Variants in CSMD2 observed in about 807,000 individuals in gnomAD.
CSMD2 encodes the protein CUB and Sushi multiple domains 2.
A neutral mutation model predicts 398.5 loss-of-function variants in CSMD2; 130 were observed. The observed-to-expected ratio is 0.33, with a 90% CI of 0.28 to 0.38. The LOEUF (loss-of-function observed/expected upper bound fraction) is 0.38. CSMD2 is among the 10% of genes least tolerant of loss of function. The pLI is 1.00. For synonymous variants in CSMD2, 1,828 were observed against 1,908.5 expected (o/e 0.96, Z 1.10); for missense variants, 3,829 against 4,764.9 (o/e 0.80, Z 5.78).
chr1:33,855,152 C>T (rs570132809), intron 5 of CSMD2, among the ~76,000 whole-genome samples: 5 of 152,288 alleles, frequency 3.3e-5, no homozygotes, highest in East Asian at 1.9e-4. Flanking sequence ...TTGCCCACTC[C>T]GTCCTTTACT....
chr1:33,663,185 C>T (rs944117398), intron 25 of CSMD2, 93 bp from the exon 26 acceptor site: 4 of 1,059,580 alleles, frequency 3.8e-6, no homozygotes, highest in Non-Finnish European at 5.5e-6. Flanking sequence ...AAGACTGGCC[C>T]TAAACCTACA....
chr1:33,533,951 G>T lies in CSMD2; in HGVS notation c.9880-44C>A. ...TCCCATCAGCCCCTTCCTTTCAGCGGTGCTTCCTACGTCTGTCCCTTGACC... is the reference window on the plus strand; with the variant it reads ...TCCCATCAGCCCCTTCCTTTCAGCGTTGCTTCCTACGTCTGTCCCTTGACC... On this transcript the variant is annotated intron_variant, in intron 62 of 70. Transcript: ENST00000373381. This position sits in a 1 kb window ranked among gnomAD's most constrained non-coding sequence, Gnocchi z 4.2. The T allele has an allele frequency of 7.8e-7, 1 of 1,276,690 alleles. No individual in the cohort carries two copies. 79.1% of individuals were successfully genotyped at this position (1,276,690 alleles called of 1,614,324 possible). A position where few individuals can be genotyped will look rare whatever the true frequency, so the allele number is the denominator to read the frequency against.
chr1:33,993,853 C>T (rs1332281679), intron 3 of CSMD2, among the ~76,000 whole-genome samples: 1 of 152,174 alleles, frequency 6.6e-6, no homozygotes, highest in Non-Finnish European at 1.5e-5. Flanking sequence ...TTGCAGTGGC[C>T]TCCCCTGCCC....
At chr1:34,086,046 A>T (rs1454593262) in intron 2 of CSMD2, among the ~76,000 whole-genome samples, 1 of 152,008 alleles carries the variant, frequency 6.6e-6, no homozygotes, top group Non-Finnish European at 1.5e-5. Context: ...GAAAGAAAGA[A>T]AACCAAGTGT....
chr1:33,764,044 C>T (rs993179833), intron 13 of CSMD2, among the ~76,000 whole-genome samples: 1 of 152,082 alleles, frequency 6.6e-6, no homozygotes, highest in Non-Finnish European at 1.5e-5. Context: ...CGGGATACAC[C>T]CTATTCCCTT....
intron 1 of CSMD2, among the ~76,000 whole-genome samples, chr1:34,148,453 A>C (rs1639985193): frequency 6.6e-6 from 1 of 152,262 alleles, no homozygotes; most frequent in Non-Finnish European, 1.5e-5. Context: ...AGCAGTCTCC[A>C]GCATGTTCAG....
chr1:33,583,374 T>C lies in CSMD2; in HGVS notation c.7240+268A>G, dbSNP rs139692022. Reference sequence around the variant, plus strand: ...TTGGGAATACTGTTTGACCCATTTATCTGCTGACATGAACAGGAATGGCTT... The same window carrying C: ...TTGGGAATACTGTTTGACCCATTTACCTGCTGACATGAACAGGAATGGCTT... On this transcript the variant is annotated intron_variant, in intron 47 of 70. Transcript: ENST00000373381. Among the ~76,000 whole-genome samples the C allele has an allele frequency of 9.2e-5, 14 of 152,356 alleles. No individual in the cohort carries two copies. In the East Asian group the frequency reaches 2.7e-3, roughly 29 times the overall value.
rs746572463 is a variant in CSMD2, at chr1:33,572,709, A to G, written c.7577-18T>C. ...GGAAAGAGCTAGCAAAAGGAAAACA[A>G]TGTCATGAGCATTTGTTTTAAGATG... On this transcript the variant is annotated intron_variant, in intron 49 of 70. Transcript: ENST00000373381. 1 of 1,589,926 alleles carries G rather than the reference A, an allele frequency of 6.3e-7. No homozygotes were observed. Among genetic ancestry groups the G allele is most frequent in the African/African-American group, 1.3e-5 (1 of 74,540 alleles).
intron 1 of CSMD2, among the ~76,000 whole-genome samples, chr1:34,145,475 C>T (rs1183918880): frequency 1.3e-5 from 2 of 152,196 alleles, no homozygotes; most frequent in Admixed American, 6.5e-5. Context: ...AACCTCCTCC[C>T]TGCCCCTTGG....
chr1:33,614,404 C>G, intron 40 of CSMD2, 100 bp downstream of exon 40: 2 of 731,260 alleles, frequency 2.7e-6, no homozygotes, highest in Non-Finnish European at 5.0e-6. Context: ...ACTAAACAGA[C>G]TTGGCCCAAG....
rs367903002 is a variant in CSMD2, at chr1:33,873,072, C to T, written c.921-26076G>A. 7.2e-5 allele frequency among the ~76,000 whole-genome samples: 11 copies of T among 152,278 alleles called. 1 individual carries two copies. In the East Asian group the frequency reaches 2.1e-3, roughly 29 times the overall value. On this transcript the variant is annotated intron_variant, in intron 5 of 70. Coordinates refer to ENST00000373381, the MANE Select transcript of CSMD2 (RefSeq NM_001281956.2). ...ATATGGGGGGCAGATAATTTATCTC[C>T]TTAGCTTTTCAAATCACCAAATCTG...
At chr1:34,036,275 A>T (rs1468007527) in intron 2 of CSMD2, among the ~76,000 whole-genome samples, 2 of 152,340 alleles carry the variant, frequency 1.3e-5, no homozygotes, top group East Asian at 3.9e-4. Context: ...CTACAATAAT[A>T]GGTGAATGAC....
At chr1:33,645,117 A>C (rs1643343030) in intron 29 of CSMD2, among the ~76,000 whole-genome samples, 2 of 152,106 alleles carry the variant, frequency 1.3e-5, no homozygotes, top group African/African-American at 4.8e-5. Context: ...AGATATTCCC[A>C]GGGGTGGCCG....
chr1:33,648,874 G>A (rs145800845), intron 28 of CSMD2, among the ~76,000 whole-genome samples: 2 of 151,992 alleles, frequency 1.3e-5, no homozygotes, highest in Non-Finnish European at 2.9e-5. Flanking sequence ...TCTTTAAAGA[G>A]CACCCATTTT....
rs542420787 is a variant in CSMD2, at chr1:34,070,474, T to C, written c.404+18503A>G. Among the ~76,000 whole-genome samples, 4 of 152,354 alleles carry C rather than the reference T, an allele frequency of 2.6e-5. No individual in the cohort carries two copies. The South Asian group carries it at 8.3e-4, about 32-fold the overall frequency. ...CCACACCTTCTTAGCATAGGGCTTATGAGCCATTCTGAAGCTCAGCTTTCT... is the reference window on the plus strand; with the variant it reads ...CCACACCTTCTTAGCATAGGGCTTACGAGCCATTCTGAAGCTCAGCTTTCT... On this transcript the variant is annotated intron_variant, in intron 2 of 70. Coordinates refer to ENST00000373381, the MANE Select transcript of CSMD2 (RefSeq NM_001281956.2).
At chr1:33,778,996 A>G (rs576293661) in intron 12 of CSMD2, among the ~76,000 whole-genome samples, 105 of 152,176 alleles carry the variant, frequency 6.9e-4, no homozygotes, top group Non-Finnish European at 1.3e-3. Flanking sequence ...CAGCCCTTGC[A>G]ACTCCTCATC....
chr1:33,968,650 A>G (rs1645645197), intron 3 of CSMD2, among the ~76,000 whole-genome samples: 1 of 152,152 alleles, frequency 6.6e-6, no homozygotes, highest in Non-Finnish European at 1.5e-5. Flanking sequence ...CAGACACCTG[A>G]ATGAGCTTGG....
intron 3 of CSMD2, among the ~76,000 whole-genome samples, chr1:33,966,630 G>A (rs1645567256): frequency 6.6e-6 from 1 of 152,224 alleles, no homozygotes; most frequent in African/African-American, 2.4e-5. Flanking sequence ...GTCTAAGGAA[G>A]TAATGGTTTT....
chr1:34,000,147 A>T (rs1361486851), intron 3 of CSMD2, among the ~76,000 whole-genome samples: 2 of 152,150 alleles, frequency 1.3e-5, no homozygotes, highest in Non-Finnish European at 2.9e-5. Context: ...CTACACAGTA[A>T]TCCTCAGACC....
Sources: allele counts gnomAD v4.1 joint callset (sites outside exome capture counted in the v4.1 genomes callset), GRCh38; gene constraint gnomAD v4.1.1; non-coding constraint Gnocchi (gnomAD v3.1); transcripts MANE v1.5; gene names NCBI Gene and HGNC (gene_info 2026-07-23, HGNC 2026-07-21).